SLC25A26: variants seen among roughly 807,000 people sequenced by gnomAD.
The protein encoded by SLC25A26 is solute carrier family 25 member 26, also known as mitochondrial S-adenosylmethionine carrier protein.
A neutral mutation model predicts 37.8 loss-of-function variants in SLC25A26; 36 were observed. The ratio of observed to expected loss-of-function variants is 0.95; its 90% CI spans 0.73 to 1.26. SLC25A26 has a LOEUF of 1.26. Ranked by LOEUF, SLC25A26 falls within the 50% of genes most tolerant of loss-of-function variation. The pLI is 0.00. For missense variants in SLC25A26, 390 were observed against 331.1 expected (o/e 1.18, Z -1.38); for synonymous variants, 129 against 122.5 (o/e 1.05, Z -0.35).
chr3:66,373,130 C>T (rs1700443621), intron 9 of SLC25A26, among the ~76,000 whole-genome samples: 1 of 152,194 alleles, frequency 6.6e-6, no homozygotes, highest in Non-Finnish European at 1.5e-5. Flanking sequence ...CGGATGGCCC[C>T]TTTCTGGTTT....
intron 1 of SLC25A26, among the ~76,000 whole-genome samples, chr3:66,145,696 T>G (rs2070105173): frequency 6.6e-6 from 1 of 152,172 alleles, no homozygotes; most frequent in Admixed American, 6.5e-5. Context: ...CAGATGGAAA[T>G]AGAAATTAGA....
chr3:66,350,701 T>C (rs1420807071), intron 6 of SLC25A26, among the ~76,000 whole-genome samples: 7 of 131,480 alleles, frequency 5.3e-5, no homozygotes, highest in Admixed American at 3.4e-4. Flanking sequence ...TCTGTGTGTG[T>C]GTGTGTGTGT....
intron 1 of SLC25A26, among the ~76,000 whole-genome samples, chr3:66,225,733 C>T (rs1423456350): frequency 6.6e-6 from 1 of 152,164 alleles, no homozygotes; most frequent in Admixed American, 6.5e-5. Context: ...GATGCTTTGC[C>T]ACTTAGAAAT....
At chr3:66,363,225 C>G (rs2076752451) in intron 7 of SLC25A26, among the ~76,000 whole-genome samples, 1 of 152,202 alleles carries the variant, frequency 6.6e-6, no homozygotes, top group Non-Finnish European at 1.5e-5. Flanking sequence ...ATAAAGTCCT[C>G]TGTGGGAAGA....
intron 9 of SLC25A26, among the ~76,000 whole-genome samples, chr3:66,372,498 G>T (rs76584352): frequency 0.021 from 3,145 of 152,306 alleles, 57 homozygotes; most frequent in Non-Finnish European, 0.034. Context: ...ACAGGCAGAG[G>T]AGGGGTGTCT....
intron 7 of SLC25A26, among the ~76,000 whole-genome samples, chr3:66,367,681 T>TAGACAGAC (rs3054005): frequency 1.5e-5 from 2 of 136,640 alleles, no homozygotes; most frequent in East Asian, 3.9e-4. Flanking sequence ...GATAGATAGA[T>TAGACAGAC]AGACAGACAG....
At position 66,155,014 on chromosome 3, in the gene SLC25A26, C is replaced by G. The variant is rs113193337; in HGVS notation, c.-354+21030C>G. 4.0e-4 allele frequency among the ~76,000 whole-genome samples: 61 copies of G among 152,302 alleles called. 2 individuals carry two copies. Among genetic ancestry groups the G allele is most frequent in the African/African-American group, 1.4e-3 (59 of 41,568 alleles). On this transcript the variant is annotated intron_variant, in intron 1 of 10. Transcript: ENST00000676754. ...TTAGGTGTCTTTGTTTAGCCCAACA[C>G]CATTCCTGGTACATAGTAGGCAGCA...
At chr3:66,222,370 C>CG (rs2071540262) in intron 1 of SLC25A26, among the ~76,000 whole-genome samples, 1 of 151,978 alleles carries the variant, frequency 6.6e-6, no homozygotes, top group African/African-American at 2.4e-5. Context: ...TTAGTGGAGA[C>CG]GGGGTTTCAC....
intron 5 of SLC25A26, among the ~76,000 whole-genome samples, chr3:66,278,492 G>A (rs2074231131): frequency 6.6e-6 from 1 of 151,362 alleles, no homozygotes; most frequent in Non-Finnish European, 1.5e-5. Context: ...TATTTCATCG[G>A]TGCTTTCAGA....
chr3:66,150,603 GATATATATATATAT>G (rs1169750069), intron 1 of SLC25A26, among the ~76,000 whole-genome samples: 297 of 26,100 alleles, frequency 0.011, 5 homozygotes, highest in African/African-American at 0.016. Flanking sequence ...TATGTAATGA[GATATATATATATAT>G]ATATATATAT....
intron 5 of SLC25A26, among the ~76,000 whole-genome samples, chr3:66,314,029 A>G (rs138469254): frequency 1.4e-4 from 22 of 152,152 alleles, no homozygotes; most frequent in East Asian, 1.9e-4. Context: ...GGCTGAGACA[A>G]TGGGGTTTTC....
intron 5 of SLC25A26, among the ~76,000 whole-genome samples, chr3:66,343,740 C>G (rs1219605579): frequency 6.6e-6 from 1 of 152,024 alleles, no homozygotes; most frequent in Non-Finnish European, 1.5e-5. Context: ...AAATATTTAC[C>G]TTCTTACTAA....
At chr3:66,258,095 T>C (rs1360591670) in intron 3 of SLC25A26, among the ~76,000 whole-genome samples, 1 of 152,170 alleles carries the variant, frequency 6.6e-6, no homozygotes, top group Admixed American at 6.5e-5. Flanking sequence ...CACAGAATAC[T>C]GATTTGGTTT....
At chr3:66,218,105 G>A (rs944452576), upstream of SLC25A26, among the ~76,000 whole-genome samples, 144,868 of 152,028 alleles carry the variant, frequency 0.95, 69,420 homozygotes, top group East Asian at 1. Flanking sequence ...CAATACATGT[G>A]GTCTTTTTTT....
At chr3:66,150,401 G>A (rs1480990380) in intron 1 of SLC25A26, among the ~76,000 whole-genome samples, 6 of 150,012 alleles carry the variant, frequency 4.0e-5, no homozygotes, top group Non-Finnish European at 7.4e-5. Flanking sequence ...AGGAGGCTGA[G>A]GCATGAGAAT....
At chr3:66,339,478 A>G (rs1394215534) in intron 5 of SLC25A26, among the ~76,000 whole-genome samples, 2 of 151,960 alleles carry the variant, frequency 1.3e-5, no homozygotes, top group African/African-American at 4.8e-5. Flanking sequence ...GCAGCCTTGC[A>G]TATCCCTTGT....
intron 5 of SLC25A26, among the ~76,000 whole-genome samples, chr3:66,299,173 T>C (rs1203191993): frequency 6.6e-6 from 1 of 152,220 alleles, no homozygotes; most frequent in African/African-American, 2.4e-5. Context: ...TTTCCATGTA[T>C]GTATTTAAAA....
At chr3:66,175,450 C>G (rs2070571645) in intron 1 of SLC25A26, among the ~76,000 whole-genome samples, 1 of 152,058 alleles carries the variant, frequency 6.6e-6, no homozygotes, top group Non-Finnish European at 1.5e-5. Context: ...GTCTCAAACT[C>G]CTGACCTCAG....
At chr3:66,281,822 CTTTTT>C (rs35569177) in intron 5 of SLC25A26, among the ~76,000 whole-genome samples, 1,822 of 122,440 alleles carry the variant, frequency 0.015, 44 homozygotes, top group African/African-American at 0.057. Flanking sequence ...CCCGTTAGTC[CTTTTT>C]TTTTTTTTTT....
Sources: allele counts gnomAD v4.1 joint callset (sites outside exome capture counted in the v4.1 genomes callset), GRCh38; gene constraint gnomAD v4.1.1; transcripts MANE v1.5; gene names NCBI Gene and HGNC (gene_info 2026-07-23, HGNC 2026-07-21).